The following GALNTL6 variants were observed in gnomAD, a reference collection of about 807,000 sequenced individuals.
GALNTL6 encodes the protein polypeptide N-acetylgalactosaminyltransferase like 6, also known as polypeptide N-acetylgalactosaminyltransferase-like 6.
A neutral mutation model predicts 73.7 loss-of-function variants in GALNTL6; 46 were observed. The ratio of observed to expected loss-of-function variants is 0.62; its 90% confidence interval spans 0.49 to 0.80. GALNTL6 has a LOEUF of 0.80. Among genes scored for constraint, GALNTL6 ranks in the 30% least tolerant of loss-of-function variants. The pLI is 0.00. For synonymous variants in GALNTL6, 259 were observed against 263.7 expected (o/e 0.98, Z 0.17); for missense variants, 604 against 755.0 (o/e 0.80, Z 2.34).
At chr4:172,737,803 C>T (rs186990289) in intron 5 of GALNTL6, among the ~76,000 whole-genome samples, 14 of 152,286 alleles carry the variant, frequency 9.2e-5, no homozygotes, top group Admixed American at 8.5e-4. Context: ...ATTGCTGCCT[C>T]CTTTTCAGCT....
intron 7 of GALNTL6, among the ~76,000 whole-genome samples, chr4:172,841,292 A>G (rs1331896785): frequency 6.6e-6 from 1 of 152,194 alleles, no homozygotes; most frequent in Non-Finnish European, 1.5e-5. Context: ...GTCAGGCACT[A>G]TTTCAAGTGT....
Position 172,809,620 on chromosome 4 carries a change from A to G in GALNTL6, c.739+74A>G. ...AGCGGTTTGCTTCTATTTAGTTTGC[A>G]ATCAGCAAACACTAGAGGTCCCTTC... On this transcript the variant is annotated intron_variant, in intron 6 of 12. Transcript: ENST00000506823. This position sits in a 1 kb window ranked among gnomAD's most constrained non-coding sequence, Gnocchi z 4.4. 8.0e-7 allele frequency: 1 copy of G among 1,247,414 alleles called. No individual in the cohort carries two copies. Among genetic ancestry groups the G allele is most frequent in the Non-Finnish European group, 1.1e-6 (1 of 896,950 alleles). The allele number at this position is 1,247,414 out of a possible 1,614,324, so 77.3% of individuals were successfully genotyped here.
At chr4:171,922,011 T>G (rs989557973) in intron 2 of GALNTL6, among the ~76,000 whole-genome samples, 1 of 152,054 alleles carries the variant, frequency 6.6e-6, no homozygotes, top group African/African-American at 2.4e-5. Context: ...ATTTTGTAAT[T>G]CTATAATATT....
intron 2 of GALNTL6, among the ~76,000 whole-genome samples, chr4:172,002,518 G>A (rs1269507671): frequency 2.6e-5 from 4 of 152,036 alleles, no homozygotes. Flanking sequence ...TTTTGTTATA[G>A]CAGTCCAGAC....
At position 172,382,167 on chromosome 4, in the gene GALNTL6, C is replaced by T. The variant is rs368197448; in HGVS notation, c.553+33478C>T. Among the ~76,000 whole-genome samples, 31 of 152,210 alleles carry T rather than the reference C, an allele frequency of 2.0e-4. 1 individual carries two copies. Among genetic ancestry groups the T allele is most frequent in the Middle Eastern group, 6.8e-3 (2 of 294 alleles). On this transcript the variant is annotated intron_variant, in intron 5 of 12. Transcript: ENST00000506823. ...AGTTTTAGTAGAGACAGGGGTTTCA[C>T]CATTTTGGCAAGGCTGGTCTGGAGC...
chr4:172,073,839 C>A (rs911602946), intron 2 of GALNTL6, among the ~76,000 whole-genome samples: 4 of 152,178 alleles, frequency 2.6e-5, no homozygotes, highest in Admixed American at 2.6e-4. Flanking sequence ...GGGACAATAA[C>A]TACTGGGGAC....
At chr4:172,688,472 G>A (rs1408187387) in intron 5 of GALNTL6, among the ~76,000 whole-genome samples, 1 of 152,196 alleles carries the variant, frequency 6.6e-6, no homozygotes, top group Admixed American at 6.5e-5. Context: ...GTCACCATTT[G>A]TGTTGCTTGG....
rs557341504 is a variant in GALNTL6, at chr4:172,303,296, C to A, written c.248-8318C>A. Among the ~76,000 whole-genome samples the A allele has an allele frequency of 6.8e-4, 104 of 152,286 alleles. 1 individual carries two copies. The highest frequency in any genetic ancestry group is 9.4e-4 in the Non-Finnish European group (64 of 68,024). On this transcript the variant is annotated intron_variant, in intron 3 of 12. Transcript: ENST00000506823. ...TACAGACGTGAGCCACAGCGCCTGG[C>A]ATTACCCTAGAGATGTCAGTATGGA...
intron 5 of GALNTL6, among the ~76,000 whole-genome samples, chr4:172,781,507 A>G (rs1292004924): frequency 6.6e-6 from 1 of 152,178 alleles, no homozygotes; most frequent in African/African-American, 2.4e-5. Flanking sequence ...TTAGCTTTAC[A>G]TAACCCATAT....
intron 2 of GALNTL6, among the ~76,000 whole-genome samples, chr4:171,976,703 A>C (rs144463113): frequency 3.9e-5 from 6 of 152,206 alleles, no homozygotes; most frequent in Middle Eastern, 3.2e-3. Context: ...GTCATATCCT[A>C]TGAAATAACT....
At chr4:172,837,351 T>C (rs1742963034) in intron 7 of GALNTL6, among the ~76,000 whole-genome samples, 2 of 152,228 alleles carry the variant, frequency 1.3e-5, no homozygotes, top group Non-Finnish European at 2.9e-5. Flanking sequence ...CAGTCCGCTC[T>C]TTTCCACAGG....
At chr4:172,049,086 T>C (rs937158799) in intron 2 of GALNTL6, among the ~76,000 whole-genome samples, 34 of 152,320 alleles carry the variant, frequency 2.2e-4, no homozygotes, top group African/African-American at 8.2e-4. Context: ...TTTACAATGA[T>C]TATTTTGGAG....
chr4:172,741,416 T>G (rs899497307), intron 5 of GALNTL6, among the ~76,000 whole-genome samples: 1 of 152,118 alleles, frequency 6.6e-6, no homozygotes, highest in Admixed American at 6.6e-5. Flanking sequence ...AGTCTTCCTC[T>G]CATATCCTTA....
intron 5 of GALNTL6, among the ~76,000 whole-genome samples, chr4:172,793,761 A>C (rs1025612382): frequency 6.6e-6 from 1 of 152,196 alleles, no homozygotes; most frequent in Non-Finnish European, 1.5e-5. Flanking sequence ...TCACTTTCTG[A>C]GCCAACTTTT....
intron 5 of GALNTL6, among the ~76,000 whole-genome samples, chr4:172,369,927 C>T (rs1017420377): frequency 3.3e-5 from 5 of 152,226 alleles, no homozygotes; most frequent in African/African-American, 2.4e-5. Context: ...CACAGTGCAG[C>T]AGCAGGCTGA....
chr4:171,942,353 C>T (rs944734560), intron 2 of GALNTL6, among the ~76,000 whole-genome samples: 4 of 151,972 alleles, frequency 2.6e-5, no homozygotes, highest in East Asian at 3.9e-4. Context: ...TCAGAAATCT[C>T]GAATGGCCTA....
intron 3 of GALNTL6, among the ~76,000 whole-genome samples, chr4:172,282,912 G>A (rs1035927366): frequency 1.3e-5 from 2 of 152,196 alleles, no homozygotes; most frequent in Middle Eastern, 3.4e-3. Context: ...TGCATGATAC[G>A]GTTTATTCAT....
At chr4:171,869,175 G>A (rs192848841) in intron 2 of GALNTL6, among the ~76,000 whole-genome samples, 43 of 152,270 alleles carry the variant, frequency 2.8e-4, no homozygotes, top group Non-Finnish European at 3.2e-4. Flanking sequence ...ATAATTCTCA[G>A]AGGAATGCCT....
At chr4:172,380,234 C>T (rs997140364) in intron 5 of GALNTL6, 3 of 920,902 alleles carry the variant, frequency 3.3e-6, no homozygotes, top group Non-Finnish European at 5.4e-6. Flanking sequence ...TTAACGTATT[C>T]TCCCCAACTT....
Sources: gnomAD v4.1 joint callset for allele counts (sites outside exome capture counted in the v4.1 genomes callset) on GRCh38, gnomAD v4.1.1 for gene constraint, Gnocchi (gnomAD v3.1) non-coding constraint, MANE v1.5 for transcripts, NCBI Gene and HGNC (gene_info 2026-07-23, HGNC 2026-07-21) for gene names.